The following PITPNC1 variants were observed in gnomAD, a reference collection of about 807,000 sequenced individuals.
The protein encoded by PITPNC1 is phosphatidylinositol transfer protein cytoplasmic 1, also known as cytoplasmic phosphatidylinositol transfer protein 1.
PITPNC1 carries 18 observed loss-of-function variants against 44.7 expected under a neutral mutation model. The observed-to-expected ratio is 0.40, with a 90% CI of 0.28 to 0.60. PITPNC1 has a LOEUF of 0.60. Among genes scored for constraint, PITPNC1 ranks in the 20% least tolerant of loss-of-function variants. PITPNC1 has a pLI of 0.39. For missense variants in PITPNC1, 290 were observed against 418.4 expected (o/e 0.69, Z 2.68); for synonymous variants, 141 against 149.6 (o/e 0.94, Z 0.42).
chr17:67,388,705 C>A (rs948287311), intron 1 of PITPNC1, among the ~76,000 whole-genome samples: 11 of 152,176 alleles, frequency 7.2e-5, no homozygotes, highest in Non-Finnish European at 1.2e-4. Context: ...ACTGCAACCT[C>A]CACCTCTCGG....
At chr17:67,562,559 GTTC>G (rs2040919660) in intron 4 of PITPNC1, among the ~76,000 whole-genome samples, 1 of 150,794 alleles carries the variant, frequency 6.6e-6, no homozygotes, top group African/African-American at 2.4e-5. Flanking sequence ...CCCCACTTGA[GTTC>G]TTCTTCTCAC....
chr17:67,378,784 T>A (rs1443807411), intron 1 of PITPNC1, among the ~76,000 whole-genome samples: 1 of 152,200 alleles, frequency 6.6e-6, no homozygotes, highest in Non-Finnish European at 1.5e-5. Flanking sequence ...GGGACCCGGC[T>A]GTGTCCTTTC....
chr17:67,414,423 G>A (rs12936868), intron 1 of PITPNC1, among the ~76,000 whole-genome samples: 13,519 of 151,930 alleles, frequency 0.089, 685 homozygotes, highest in African/African-American at 0.14. Flanking sequence ...TAATTATGCC[G>A]AATGAAAAAA....
intron 5 of PITPNC1, among the ~76,000 whole-genome samples, chr17:67,622,812 G>A (rs981189209): frequency 1.3e-5 from 2 of 151,798 alleles, no homozygotes; most frequent in South Asian, 2.1e-4. Flanking sequence ...GGAGGCAGAG[G>A]TTGCAGTCAC....
intron 1 of PITPNC1, among the ~76,000 whole-genome samples, chr17:67,380,180 T>G (rs761683458): frequency 5.3e-5 from 8 of 151,928 alleles, no homozygotes; most frequent in Non-Finnish European, 1.2e-4. Context: ...ATTCAAGCAA[T>G]TCTCCTGCCT....
At chr17:67,586,454 G>A (rs60716822) in intron 5 of PITPNC1, among the ~76,000 whole-genome samples, 11,230 of 150,534 alleles carry the variant, frequency 0.075, 587 homozygotes, top group East Asian at 0.27. Flanking sequence ...AATTAGCTGG[G>A]CGTGGTGGTG....
intron 4 of PITPNC1, among the ~76,000 whole-genome samples, chr17:67,568,339 G>T (rs1181370256): frequency 6.6e-6 from 1 of 152,148 alleles, no homozygotes; most frequent in Non-Finnish European, 1.5e-5. Flanking sequence ...TTGTGGTGCT[G>T]CAGGTAGGCG....
At chr17:67,489,717 T>A (rs1249641905) in intron 1 of PITPNC1, among the ~76,000 whole-genome samples, 1 of 152,168 alleles carries the variant, frequency 6.6e-6, no homozygotes, top group African/African-American at 2.4e-5. Context: ...TTTCATGCTG[T>A]CTGTTGTCTT....
intron 2 of PITPNC1, among the ~76,000 whole-genome samples, chr17:67,548,735 C>G (rs2040718298): frequency 1.3e-5 from 2 of 152,280 alleles, no homozygotes; most frequent in African/African-American, 2.4e-5. Flanking sequence ...AAGCCTGAGC[C>G]CTGGTGAGAT....
chr17:67,446,155 C>T (rs2039089786), intron 1 of PITPNC1, among the ~76,000 whole-genome samples: 1 of 151,822 alleles, frequency 6.6e-6, no homozygotes, highest in South Asian at 2.1e-4. Flanking sequence ...CCATGTTGGC[C>T]AGGATGGTCT....
At chr17:67,398,027 A>G (rs1347945772) in intron 1 of PITPNC1, among the ~76,000 whole-genome samples, 1 of 150,180 alleles carries the variant, frequency 6.7e-6, no homozygotes, top group African/African-American at 2.5e-5. Context: ...CGGGAGGCGG[A>G]GCTTGCAGTG....
intron 6 of PITPNC1, among the ~76,000 whole-genome samples, chr17:67,641,477 C>T (rs1026077060): frequency 1.3e-5 from 2 of 152,164 alleles, no homozygotes; most frequent in African/African-American, 2.4e-5. Context: ...ACACGCCTGT[C>T]TAGTGAGTTT....
intron 1 of PITPNC1, among the ~76,000 whole-genome samples, chr17:67,489,751 T>A (rs994040464): frequency 3.9e-5 from 6 of 152,192 alleles, no homozygotes; most frequent in African/African-American, 1.4e-4. Context: ...TTTTTCTTTT[T>A]CTTTTTTAAT....
At chr17:67,556,734 A>G (rs2040842783) in intron 4 of PITPNC1, among the ~76,000 whole-genome samples, 1 of 152,208 alleles carries the variant, frequency 6.6e-6, no homozygotes, top group Admixed American at 6.5e-5. Flanking sequence ...TAACAGTCAA[A>G]TGCACTGATG....
intron 1 of PITPNC1, among the ~76,000 whole-genome samples, chr17:67,384,248 C>T (rs2038007452): frequency 6.6e-6 from 1 of 152,106 alleles, no homozygotes; most frequent in Admixed American, 6.6e-5. Context: ...CTTTTTCATA[C>T]AGAATATTAT....
chr17:67,435,414 A>T (rs2038924127), intron 1 of PITPNC1, among the ~76,000 whole-genome samples: 1 of 152,190 alleles, frequency 6.6e-6, no homozygotes, highest in African/African-American at 2.4e-5. Flanking sequence ...AGGCACATGG[A>T]TTCATTCAAC....
intron 5 of PITPNC1, among the ~76,000 whole-genome samples, chr17:67,600,184 A>G (rs2041522429): frequency 6.6e-6 from 1 of 152,124 alleles, no homozygotes; most frequent in South Asian, 2.1e-4. Context: ...TTACAGTAGT[A>G]GTTCTGCTCT....
At chr17:67,465,941 A>C (rs1291859694) in intron 1 of PITPNC1, among the ~76,000 whole-genome samples, 1 of 150,954 alleles carries the variant, frequency 6.6e-6, no homozygotes, top group African/African-American at 2.4e-5. Context: ...TTGGGAGTCC[A>C]TGACTTGCAT....
intron 1 of PITPNC1, among the ~76,000 whole-genome samples, chr17:67,420,133 T>C (rs2038649960): frequency 6.6e-6 from 1 of 152,172 alleles, no homozygotes; most frequent in Non-Finnish European, 1.5e-5. Flanking sequence ...AGGCACTCTG[T>C]GGAAGAGAAT....
Sources: gnomAD v4.1 joint callset for allele counts (sites outside exome capture counted in the v4.1 genomes callset) on GRCh38, gnomAD v4.1.1 for gene constraint, MANE v1.5 for transcripts, NCBI Gene and HGNC (gene_info 2026-07-23, HGNC 2026-07-21) for gene names.